ANK2: variants seen among roughly 807,000 people sequenced by gnomAD.
ANK2 encodes the protein ankyrin 2, also known as ankyrin-2.
A neutral mutation model predicts 360.5 loss-of-function variants in ANK2; 83 were observed. That is an observed-to-expected ratio of 0.23 (90% CI 0.19 to 0.28). The LOEUF is 0.28. Among genes scored for constraint, ANK2 ranks in the 10% least tolerant of loss-of-function variants. ANK2 has a pLI of 1.00. For missense variants in ANK2, 4,201 were observed against 4,795.7 expected (o/e 0.88, Z 3.66); for synonymous variants, 1,740 against 1,759.5 (o/e 0.99, Z 0.28).
chr4:113,197,544 G>A (rs950746578), intron 3 of ANK2, among the ~76,000 whole-genome samples: 7 of 152,148 alleles, frequency 4.6e-5, no homozygotes, highest in African/African-American at 1.7e-4. Context: ...AGGCACTCTG[G>A]TCTCTAGATG....
intron 1 of ANK2, among the ~76,000 whole-genome samples, chr4:113,104,702 G>C (rs186385357): frequency 1.3e-5 from 2 of 150,702 alleles, no homozygotes; most frequent in Admixed American, 1.3e-4. Context: ...GTGATAGAAC[G>C]AGATTCCATC....
intron 2 of ANK2, among the ~76,000 whole-genome samples, chr4:112,935,120 A>AGTGTGTGTGTGT (rs10601105): frequency 1.2e-4 from 18 of 148,760 alleles, no homozygotes; most frequent in African/African-American, 3.4e-4. Flanking sequence ...AGTCAGAGAA[A>AGTGTGTGTGTGT]GTGTGTGTGT....
At chr4:112,987,763 C>T (rs1016253520) in intron 2 of ANK2, among the ~76,000 whole-genome samples, 12 of 151,806 alleles carry the variant, frequency 7.9e-5, no homozygotes, top group African/African-American at 9.7e-5. Context: ...AGGCAATATA[C>T]GTATTATACT....
At chr4:112,999,932 AC>A (rs2050024291) in intron 2 of ANK2, among the ~76,000 whole-genome samples, 1 of 152,156 alleles carries the variant, frequency 6.6e-6, no homozygotes, top group Non-Finnish European at 1.5e-5. Flanking sequence ...GAGGAAAAAA[AC>A]TTTTCCTCTA....
intron 4 of ANK2, among the ~76,000 whole-genome samples, chr4:113,220,086 T>C (rs1296714972): frequency 6.6e-6 from 1 of 152,256 alleles, no homozygotes; most frequent in African/African-American, 2.4e-5. Flanking sequence ...CAGTTTATCC[T>C]CACCTGGCTT....
the ANK2 span, among the ~76,000 whole-genome samples, chr4:112,812,747 G>A: frequency 6.3e-4 from 96 of 152,338 alleles, no homozygotes; most frequent in East Asian, 0.018. Context: ...TGCTTTTGGT[G>A]AAGTTGGCTT....
At chr4:113,053,137 G>A (rs2067908193) in intron 1 of ANK2, among the ~76,000 whole-genome samples, 1 of 152,122 alleles carries the variant, frequency 6.6e-6, no homozygotes, top group Non-Finnish European at 1.5e-5. Flanking sequence ...TGATGCTGAT[G>A]CTTTGAGAAA....
the ANK2 span, among the ~76,000 whole-genome samples, chr4:112,745,827 C>T: frequency 1.3e-5 from 2 of 152,082 alleles, no homozygotes; most frequent in Non-Finnish European, 2.9e-5. Flanking sequence ...GCCACTGCGC[C>T]CGGCCCCAAT....
At chr4:113,287,528 A>G in intron 18 of ANK2, 77 bp from the exon 19 acceptor site, 1 of 1,139,912 alleles carries the variant, frequency 8.8e-7, no homozygotes, top group Non-Finnish European at 1.3e-6. Context: ...TATTTTCAAT[A>G]TTTTTTCATA....
At chr4:113,227,013 A>G (rs2099231761) in intron 4 of ANK2, among the ~76,000 whole-genome samples, 2 of 152,222 alleles carry the variant, frequency 1.3e-5, no homozygotes, top group African/African-American at 2.4e-5. Context: ...ACCTGGATGC[A>G]TATACACAGA....
chr4:113,268,672 G>A (rs1051349736), intron 14 of ANK2, among the ~76,000 whole-genome samples: 5 of 152,086 alleles, frequency 3.3e-5, no homozygotes, highest in African/African-American at 9.7e-5. Context: ...GAGGATTTTC[G>A]CATTGATGTT....
intron 1 of ANK2, among the ~76,000 whole-genome samples, chr4:112,894,002 AC>A (rs1316352956): frequency 6.6e-6 from 1 of 152,162 alleles, no homozygotes; most frequent in Non-Finnish European, 1.5e-5. Context: ...GTTTCAAAAA[AC>A]AAAACAAAAC....
At chr4:112,995,477 T>C (rs542204901) in intron 2 of ANK2, among the ~76,000 whole-genome samples, 40 of 152,324 alleles carry the variant, frequency 2.6e-4, no homozygotes, top group Non-Finnish European at 5.6e-4. Context: ...AAGTTTCTTA[T>C]AGATTCTGGA....
chr4:113,014,387 G>C (rs2055816597), intron 2 of ANK2, among the ~76,000 whole-genome samples: 1 of 152,136 alleles, frequency 6.6e-6, no homozygotes, highest in African/African-American at 2.4e-5. Flanking sequence ...GATAACCCTA[G>C]GAGGATTCTA....
At chr4:113,015,776 A>G (rs1209425752) in intron 2 of ANK2, among the ~76,000 whole-genome samples, 41 of 152,172 alleles carry the variant, frequency 2.7e-4, no homozygotes, top group Non-Finnish European at 4.4e-5. Flanking sequence ...TTCTACTTAC[A>G]TGAATTTTTG....
At chr4:113,340,624 G>A (rs991918910) in intron 32 of ANK2, among the ~76,000 whole-genome samples, 9 of 152,108 alleles carry the variant, frequency 5.9e-5, no homozygotes, top group Non-Finnish European at 1.3e-4. Context: ...TGAGCCCAGA[G>A]AGGTCGAGGC....
chr4:113,161,695 CGTGTGTGTGTGTGTGTGTGT>C (rs56162406), intron 1 of ANK2, among the ~76,000 whole-genome samples: 2 of 144,742 alleles, frequency 1.4e-5, no homozygotes, highest in Non-Finnish European at 3.0e-5. Context: ...GTTTTAGTCT[CGTGTGTGTGTGTGTGTGTGT>C]GTGTGTGTGT....
At chr4:113,196,182 C>A (rs2098744831) in intron 2 of ANK2, among the ~76,000 whole-genome samples, 186 bp from the exon 3 acceptor site, 1 of 152,106 alleles carries the variant, frequency 6.6e-6, no homozygotes, top group Non-Finnish European at 1.5e-5. Flanking sequence ...ACCTTATTGC[C>A]TCTCTGAATC....
chr4:112,971,981 T>TATCAAAGAGAA (rs1164691327), intron 2 of ANK2, among the ~76,000 whole-genome samples: 2 of 152,212 alleles, frequency 1.3e-5, no homozygotes, highest in African/African-American at 2.4e-5. Context: ...AATTATTCAT[T>TATCAAAGAGAA]ATCAAAGAGA....
Sources: allele counts gnomAD v4.1 joint callset (sites outside exome capture counted in the v4.1 genomes callset), GRCh38; gene constraint gnomAD v4.1.1; transcripts MANE v1.5; gene names NCBI Gene and HGNC (gene_info 2026-07-23, HGNC 2026-07-21).